PGAP2: variants seen among roughly 807,000 people sequenced by gnomAD.
PGAP2 encodes acyltransferase PGAP2.
Under a neutral mutation model 33.2 loss-of-function variants are expected in PGAP2, and 21 were observed. The observed-to-expected ratio is 0.63, with a 90% CI of 0.45 to 0.91. The LOEUF is 0.91. Ranked by LOEUF, PGAP2 falls within the 40% of genes least tolerant of loss-of-function variation. The pLI is 0.00. For missense variants in PGAP2, 345 were observed against 424.0 expected (o/e 0.81, Z 1.64); for synonymous variants, 161 against 172.9 (o/e 0.93, Z 0.54).
intron 1 of PGAP2, among the ~76,000 whole-genome samples, chr11:3,810,228 C>T (rs1030747191): frequency 2.6e-5 from 4 of 152,208 alleles, no homozygotes; most frequent in Non-Finnish European, 4.4e-5. Flanking sequence ...CTCCTGTGAA[C>T]AGGTGCCTCT....
intron 1 of PGAP2, among the ~76,000 whole-genome samples, chr11:3,802,467 C>G (rs1208662656): frequency 6.6e-6 from 1 of 152,160 alleles, no homozygotes; most frequent in African/African-American, 2.4e-5. Context: ...GCTTACAAAC[C>G]CTTTTGGAGC....
rs779066417 is a variant in PGAP2 at position 3,817,654 on chromosome 11, G to T, written c.348+119G>T. ...AGAGAGGGAAAGGGACAAGGGGATG[G>T]GGGAAGGGTAGGTAAGTCAGAGTCA... On this transcript the variant is annotated intron_variant, in intron 3 of 6. Coordinates refer to ENST00000278243, the MANE Select transcript of PGAP2 (RefSeq NM_014489.4). 5 of 843,104 alleles carry T rather than the reference G, an allele frequency of 5.9e-6. No individual in the cohort carries two copies. The Admixed American group carries it at 7.9e-5, about 13-fold the overall frequency. 52.2% of individuals were successfully genotyped at this position (843,104 alleles called of 1,614,324 possible). A position where few individuals can be genotyped will look rare whatever the true frequency, so the allele number is the denominator to read the frequency against.
At chr11:3,824,406 G>C in intron 5 of PGAP2, 30 bp downstream of exon 5, 1 of 1,614,128 alleles carries the variant, frequency 6.2e-7, no homozygotes, top group Non-Finnish European at 8.5e-7. Flanking sequence ...GGGGCTCCAA[G>C]GCAGCCCAGA....
At chr11:3,799,204 A>T (rs1489432555) in intron 1 of PGAP2, among the ~76,000 whole-genome samples, 1 of 152,216 alleles carries the variant, frequency 6.6e-6, no homozygotes, top group East Asian at 1.9e-4. Flanking sequence ...AGACCTGTTT[A>T]GTGACTGAGA....
At chr11:3,807,760 A>G (rs1298258346), upstream of PGAP2, among the ~76,000 whole-genome samples, 3 of 152,192 alleles carry the variant, frequency 2.0e-5, no homozygotes, top group Admixed American at 2.0e-4. Context: ...CACCCGCTGC[A>G]GATGCTCTGA....
At chr11:3,821,139 G>A (rs2088523320) in intron 3 of PGAP2, among the ~76,000 whole-genome samples, 2 of 152,254 alleles carry the variant, frequency 1.3e-5, no homozygotes, top group African/African-American at 4.8e-5. Flanking sequence ...TCCTCTGACA[G>A]TGCAGAAGGG....
At chr11:3,813,594 A>C (rs2086082487) in intron 2 of PGAP2, among the ~76,000 whole-genome samples, 1 of 152,156 alleles carries the variant, frequency 6.6e-6, no homozygotes, top group Non-Finnish European at 1.5e-5. Flanking sequence ...ACTGTTGCCC[A>C]GGCTGGTCTT....
intron 1 of PGAP2, among the ~76,000 whole-genome samples, chr11:3,803,295 GTT>G (rs34104190): frequency 2.7e-4 from 37 of 137,808 alleles, no homozygotes; most frequent in Admixed American, 3.6e-4. Context: ...ACCCGGCCCT[GTT>G]TTTTTTTTTT....
Position 3,825,535 on chromosome 11 carries a change from C to T in PGAP2, c.*77C>T, listed in dbSNP as rs1840181077. The T allele has an allele frequency of 1.4e-6, 2 of 1,444,340 alleles. No individual in the cohort carries two copies. The highest frequency in any genetic ancestry group is 1.3e-5 in the South Asian group (1 of 78,778). 89.5% of individuals were successfully genotyped at this position (1,444,340 alleles called of 1,614,324 possible). ...CACGATACCATTCTGGCCTTCCCCA[C>T]CCCACATCCTCTCTTGGCCTTACTG... is the stretch of plus-strand genomic sequence containing the variant. On this transcript the variant is annotated 3_prime_UTR_variant, in exon 7 of 7. Coordinates refer to ENST00000278243, the MANE Select transcript of PGAP2 (RefSeq NM_014489.4).
intron 1 of PGAP2, among the ~76,000 whole-genome samples, chr11:3,800,931 G>A (rs1227792966): frequency 1.5e-4 from 22 of 151,404 alleles, no homozygotes; most frequent in African/African-American, 4.9e-4. Flanking sequence ...TCAGGAGTTC[G>A]AAACCCGCCT....
In PGAP2 at chr11:3,823,587, C is replaced by A. The variant is rs1021469749; in HGVS notation, c.349-296C>A. The A allele has an allele frequency of 4.6e-6, 7 of 1,535,196 alleles. No homozygotes were observed. In the African/African-American group the frequency reaches 9.6e-5, roughly 21 times the overall value. ...GAGCTATGGGTGTAGAGCATCTGAA[C>A]CCATCTACACATTGACCAAACACAG... On this transcript the variant is annotated intron_variant, in intron 3 of 6. Coordinates refer to ENST00000278243, the MANE Select transcript of PGAP2 (RefSeq NM_014489.4).
At chr11:3,817,175 G>A (rs1314196112) in intron 2 of PGAP2, among the ~76,000 whole-genome samples, 178 bp from the exon 3 acceptor site, 3 of 152,056 alleles carry the variant, frequency 2.0e-5, no homozygotes, top group Non-Finnish European at 1.5e-5. Flanking sequence ...TGCTGCTCCT[G>A]CCCCATCTCC....
rs1564957716 is a variant in PGAP2, at chr11:3,797,952, CCAAT to C, written c.112_115del (p.Ile38GlufsTer82). Reference sequence around the variant, plus strand: ...GCGACTCGGGCTGAGGGAGCTCGGGCCAATCAGAGGGACGGCCCCAGAATGGCAT... The same window carrying C: ...GCGACTCGGGCTGAGGGAGCTCGGGCCAGAGGGACGGCCCCAGAATGGCAT... On this transcript the variant is annotated frameshift_variant, in exon 1 of 7. Transcript: ENST00000300730. LOFTEE classifies it high-confidence loss of function. 6.5e-7 allele frequency: 1 copy of C among 1,548,230 alleles called. No individual in the cohort carries two copies. The highest frequency in any genetic ancestry group is 8.7e-7 in the Non-Finnish European group (1 of 1,145,386).
chr11:3,825,342 G>A lies in PGAP2; in HGVS notation c.832G>A (p.Ala278Thr). The A allele has an allele frequency of 3.7e-6, 6 of 1,613,856 alleles. No homozygotes were observed. Among genetic ancestry groups the A allele is most frequent in the Non-Finnish European group, 5.1e-6 (6 of 1,179,900 alleles). The change falls in exon 7 of 7, where the codon GCC (alanine) becomes ACC (threonine). Residue 278 changes from alanine (A) to threonine (T), a missense_variant. By Grantham distance (58) the Ala-to-Thr change is moderately conservative. This residue lies in a region of PGAP2 where 311 missense variants were observed against 353.6 expected (regional missense o/e 0.88). Transcript: ENST00000278243. ...CCTCACAACAGTGTACACCATCTTT[G>A]CCATCCTGGAGTACACTGTTGTCTT... ...YCEAGVYTIF[A>T]ILEYTVVLTN...
upstream of PGAP2, among the ~76,000 whole-genome samples, chr11:3,807,680 G>C (rs982390459): frequency 2.0e-5 from 3 of 152,162 alleles, no homozygotes; most frequent in Non-Finnish European, 4.4e-5. Context: ...TGGGTGTTCA[G>C]AATGTGTTAT....
At chr11:3,815,656 T>G (rs916780628) in intron 2 of PGAP2, among the ~76,000 whole-genome samples, 1 of 152,156 alleles carries the variant, frequency 6.6e-6, no homozygotes, top group African/African-American at 2.4e-5. Context: ...TGCTGGGCCT[T>G]GATTTGGGTA....
intron 2 of PGAP2, among the ~76,000 whole-genome samples, chr11:3,815,416 C>A (rs1383325997): frequency 6.6e-6 from 1 of 152,010 alleles, no homozygotes; most frequent in East Asian, 1.9e-4. Flanking sequence ...TCAAGCGATT[C>A]TCCTGTCTCA....
chr11:3,822,694 C>G (rs1199029211), intron 3 of PGAP2, among the ~76,000 whole-genome samples: 1 of 152,166 alleles, frequency 6.6e-6, no homozygotes, highest in East Asian at 1.9e-4. Flanking sequence ...TCCAAGCCTT[C>G]TGCATTTTCA....
At chr11:3,801,585 T>C (rs1259344434) in intron 1 of PGAP2, among the ~76,000 whole-genome samples, 1 of 136,988 alleles carries the variant, frequency 7.3e-6, no homozygotes, top group Non-Finnish European at 1.5e-5. Context: ...GAGCTTGCAG[T>C]GAGCAGAGAT....
Sources: gnomAD v4.1 joint callset for allele counts (sites outside exome capture counted in the v4.1 genomes callset) on GRCh38, gnomAD v4.1.1 for gene constraint, gnomAD v4.1.1 regional missense constraint, MANE v1.5 for transcripts, NCBI Gene and HGNC (gene_info 2026-07-23, HGNC 2026-07-21) for gene names.